Variants in HMBOX1 observed in about 807,000 individuals in gnomAD.
The protein encoded by HMBOX1 is homeobox containing 1.
HMBOX1 carries 14 observed loss-of-function variants against 54.5 expected under a neutral mutation model. That is an observed-to-expected ratio of 0.26 (90% confidence interval 0.17 to 0.40). The LOEUF (loss-of-function observed/expected upper bound fraction) is 0.40. HMBOX1 is among the 10% of genes least tolerant of loss of function. The pLI is 1.00. For synonymous variants in HMBOX1, 160 were observed against 181.0 expected (o/e 0.88, Z 0.93); for missense variants, 332 against 514.4 (o/e 0.65, Z 3.43).
intron 1 of HMBOX1, among the ~76,000 whole-genome samples, chr8:28,932,468 C>T (rs1464576076): frequency 3.9e-5 from 6 of 152,060 alleles, no homozygotes; most frequent in Admixed American, 3.3e-4. Context: ...TTATAGGAAG[C>T]CCTTATTTAA....
intron 1 of HMBOX1, among the ~76,000 whole-genome samples, chr8:28,921,533 A>G (rs1323011688): frequency 6.6e-6 from 1 of 152,212 alleles, no homozygotes; most frequent in Non-Finnish European, 1.5e-5. Flanking sequence ...TACCAATAAT[A>G]CCACAAAGTA....
intron 5 of HMBOX1, among the ~76,000 whole-genome samples, chr8:29,010,570 A>ATAT (rs911339926): frequency 6.6e-6 from 1 of 151,642 alleles, no homozygotes; most frequent in African/African-American, 2.4e-5. Flanking sequence ...AAAAATATAT[A>ATAT]TATTATTATT....
At chr8:28,978,255 C>T (rs1828761642) in intron 3 of HMBOX1, among the ~76,000 whole-genome samples, 2 of 152,168 alleles carry the variant, frequency 1.3e-5, no homozygotes, top group South Asian at 4.1e-4. Context: ...GAGCTAAAAT[C>T]CCTCATCCAA....
chr8:29,021,581 C>T (rs903321060), intron 6 of HMBOX1, among the ~76,000 whole-genome samples: 3 of 151,888 alleles, frequency 2.0e-5, no homozygotes, highest in Non-Finnish European at 2.9e-5. Context: ...ATCGGCCAGG[C>T]GCGGTGGCTC....
chr8:29,004,110 G>A (rs1833075348), intron 4 of HMBOX1, among the ~76,000 whole-genome samples: 1 of 152,178 alleles, frequency 6.6e-6, no homozygotes, highest in Non-Finnish European at 1.5e-5. Context: ...GGAGAACACA[G>A]GAAGGAGAAC....
At chr8:28,956,605 A>G (rs904094423) in intron 1 of HMBOX1, among the ~76,000 whole-genome samples, 1 of 152,168 alleles carries the variant, frequency 6.6e-6, no homozygotes, top group Non-Finnish European at 1.5e-5. Flanking sequence ...GTAACCTTTG[A>G]TAGCACATTG....
intron 1 of HMBOX1, among the ~76,000 whole-genome samples, chr8:28,902,108 G>T (rs1007177566): frequency 2.0e-5 from 3 of 152,144 alleles, no homozygotes; most frequent in Admixed American, 1.3e-4. Flanking sequence ...TTATGTATAT[G>T]AATTGGATTC....
intron 6 of HMBOX1, among the ~76,000 whole-genome samples, chr8:29,023,225 TTAAA>T (rs1159658380): frequency 6.6e-6 from 1 of 152,072 alleles, no homozygotes; most frequent in Non-Finnish European, 1.5e-5. Flanking sequence ...ATCAAAAGAT[TTAAA>T]TAAAATACTG....
At chr8:29,003,402 A>G (rs1832926204) in intron 4 of HMBOX1, among the ~76,000 whole-genome samples, 1 of 151,324 alleles carries the variant, frequency 6.6e-6, no homozygotes, top group Non-Finnish European at 1.5e-5. Flanking sequence ...GTACTATATG[A>G]GAACATTCTA....
At chr8:29,005,048 T>G (rs1056003156) in intron 4 of HMBOX1, among the ~76,000 whole-genome samples, 1 of 152,242 alleles carries the variant, frequency 6.6e-6, no homozygotes, top group African/African-American at 2.4e-5. Flanking sequence ...GAGATTAAAT[T>G]TAGAGGGAAG....
chr8:29,012,357 A>C (rs1419646706), intron 5 of HMBOX1, among the ~76,000 whole-genome samples: 5 of 152,324 alleles, frequency 3.3e-5, no homozygotes, highest in Admixed American at 1.3e-4. Flanking sequence ...ATCCACCCAG[A>C]TGTCCCTCAG....
intron 1 of HMBOX1, among the ~76,000 whole-genome samples, chr8:28,959,501 C>T (rs577948717): frequency 6.6e-6 from 1 of 152,228 alleles, no homozygotes; most frequent in Non-Finnish European, 1.5e-5. Context: ...TTACTGAAAC[C>T]ACAGAAAGCC....
In HMBOX1 at chr8:28,960,753, CTTTTTCTTTTTCTTT is replaced by C. The variant is rs1230787341; in HGVS notation, c.-57-3052_-57-3038del. ...ATAATTGTAAACTTATTCTCTTTTT[CTTTTTCTTTTTCTTT>C]TTTTTTTTTTTTTTTTTTTTTTTTT... On this transcript the variant is annotated intron_variant, in intron 1 of 9. Transcript: ENST00000287701. Among the ~76,000 whole-genome samples, 238 of 65,622 alleles carry C rather than the reference CTTTTTCTTTTTCTTT, an allele frequency of 3.6e-3. 16 individuals are homozygous for C. Among genetic ancestry groups the C allele is most frequent in the African/African-American group, 0.013 (210 of 16,120 alleles). The allele number at this position is 65,622 out of a possible 152,430, so 43.1% of individuals were successfully genotyped here. A position where few individuals can be genotyped will look rare whatever the true frequency, so the allele number is the denominator to read the frequency against.
At chr8:29,047,702 G>A (rs527276634) in intron 8 of HMBOX1, among the ~76,000 whole-genome samples, 2 of 151,890 alleles carry the variant, frequency 1.3e-5, no homozygotes, top group African/African-American at 4.8e-5. Flanking sequence ...CGAGTAGCTG[G>A]GATTATAGGC....
chr8:28,948,658 T>C (rs148537302), intron 1 of HMBOX1, among the ~76,000 whole-genome samples: 25 of 152,320 alleles, frequency 1.6e-4, no homozygotes, highest in African/African-American at 6.0e-4. Context: ...TTGTGCAAAT[T>C]AGTGTAAGCA....
At chr8:28,941,243 TC>T (rs1418742760) in intron 1 of HMBOX1, among the ~76,000 whole-genome samples, 1 of 152,182 alleles carries the variant, frequency 6.6e-6, no homozygotes, top group East Asian at 1.9e-4. Context: ...ATATGTTAAC[TC>T]TGGTTAAAAT....
chr8:28,913,652 T>C (rs2131693570), intron 1 of HMBOX1, among the ~76,000 whole-genome samples: 1 of 152,306 alleles, frequency 6.6e-6, no homozygotes, highest in East Asian at 1.9e-4. Flanking sequence ...ACCATGCATT[T>C]CTCTTTCTCT....
At chr8:29,031,589 A>G (rs1402817171) in intron 6 of HMBOX1, among the ~76,000 whole-genome samples, 2 of 151,930 alleles carry the variant, frequency 1.3e-5, no homozygotes, top group African/African-American at 4.8e-5. Flanking sequence ...AGTTAGAACA[A>G]CTGGTGCTCC....
intron 1 of HMBOX1, among the ~76,000 whole-genome samples, chr8:28,900,816 A>G (rs909204882): frequency 3.9e-5 from 6 of 151,970 alleles, no homozygotes; most frequent in Non-Finnish European, 5.9e-5. Flanking sequence ...TTAACCTTAT[A>G]TACTTTGGAA....
Sources: allele counts gnomAD v4.1 joint callset (sites outside exome capture counted in the v4.1 genomes callset), GRCh38; gene constraint gnomAD v4.1.1; transcripts MANE v1.5; gene names NCBI Gene and HGNC (gene_info 2026-07-23, HGNC 2026-07-21).